SLC8A1: variants seen among roughly 807,000 people sequenced by gnomAD.
The protein encoded by SLC8A1 is sodium/calcium exchanger 1.
Under a neutral mutation model 68.3 loss-of-function variants are expected in SLC8A1, and 18 were observed. The observed-to-expected ratio is 0.26, with a 90% CI of 0.18 to 0.39. The LOEUF is 0.39. SLC8A1 is among the 10% of genes least tolerant of loss of function. The probability of loss-of-function intolerance (pLI) is 1.00; values close to 1 mark genes in which losing one functional copy is unlikely to be tolerated. For missense variants in SLC8A1, 985 were observed against 1,156.7 expected, an observed-to-expected ratio of 0.85 and a Z score of 2.15; for synonymous variants, 475 against 415.5, an observed-to-expected ratio of 1.14 and a Z score of -1.74.
intron 7 of SLC8A1, among the ~76,000 whole-genome samples, chr2:40,133,934 G>T (rs1220006908): frequency 2.6e-5 from 4 of 152,076 alleles, no homozygotes; most frequent in Non-Finnish European, 5.9e-5. Flanking sequence ...TCCAAAAAAA[G>T]GCTGGGCTCC....
chr2:40,221,330 AC>A (rs2058303899), intron 2 of SLC8A1, among the ~76,000 whole-genome samples: 1 of 152,102 alleles, frequency 6.6e-6, no homozygotes, highest in Non-Finnish European at 1.5e-5. Context: ...AAAATTCAAC[AC>A]CCCTTCATGC....
intron 2 of SLC8A1, among the ~76,000 whole-genome samples, chr2:40,382,663 T>TAAACTA (rs1553553551): frequency 1.7e-5 from 1 of 58,680 alleles, no homozygotes; most frequent in Non-Finnish European, 3.0e-5. Context: ...TGCAACCATC[T>TAAACTA]AAACTGAAAA....
intron 6 of SLC8A1, among the ~76,000 whole-genome samples, chr2:40,152,023 A>T (rs1176104836): frequency 6.6e-6 from 1 of 152,244 alleles, no homozygotes; most frequent in Non-Finnish European, 1.5e-5. Flanking sequence ...TGTGACCATT[A>T]AACAGTGTAT....
chr2:40,414,426 G>T (rs894126529), intron 2 of SLC8A1, among the ~76,000 whole-genome samples: 2 of 152,168 alleles, frequency 1.3e-5, no homozygotes, highest in African/African-American at 4.8e-5. Context: ...AGTGTTATTT[G>T]TACATCTGCT....
At chr2:40,231,171 T>A (rs954598123) in intron 2 of SLC8A1, among the ~76,000 whole-genome samples, 2 of 152,036 alleles carry the variant, frequency 1.3e-5, no homozygotes, top group African/African-American at 4.8e-5. Context: ...ACAAGAGAGG[T>A]GCTGGTTCTT....
intron 2 of SLC8A1, among the ~76,000 whole-genome samples, chr2:40,282,698 G>C (rs935550243): frequency 2.0e-5 from 3 of 152,222 alleles, no homozygotes. Flanking sequence ...ATTCTTGCAG[G>C]AAATAATTGC....
At chr2:40,246,098 C>CT (rs538732662) in intron 2 of SLC8A1, among the ~76,000 whole-genome samples, 9 of 152,082 alleles carry the variant, frequency 5.9e-5, no homozygotes, top group African/African-American at 1.2e-4. Context: ...GTTTTAATTC[C>CT]TTTTTTTTCT....
chr2:40,308,593 C>A (rs184817524), intron 2 of SLC8A1, among the ~76,000 whole-genome samples: 37 of 152,034 alleles, frequency 2.4e-4, no homozygotes, highest in Admixed American at 2.4e-3. Context: ...GAATCACCAC[C>A]AATATCATAG....
intron 2 of SLC8A1, among the ~76,000 whole-genome samples, chr2:40,423,716 G>A (rs1696121978): frequency 6.6e-6 from 1 of 151,950 alleles, no homozygotes; most frequent in Non-Finnish European, 1.5e-5. Flanking sequence ...CAATCTGGTT[G>A]ACACCATAAA....
chr2:40,216,168 C>T (rs1008516947), intron 2 of SLC8A1, among the ~76,000 whole-genome samples: 6 of 152,062 alleles, frequency 3.9e-5, no homozygotes, highest in Admixed American at 2.6e-4. Flanking sequence ...ACCCACCCAC[C>T]GACAGGCCCT....
intron 6 of SLC8A1, among the ~76,000 whole-genome samples, chr2:40,154,164 T>A (rs2043969611): frequency 6.6e-6 from 1 of 152,102 alleles, no homozygotes; most frequent in South Asian, 2.1e-4. Context: ...TTGTTAACTT[T>A]GGGAAAAATG....
intron 6 of SLC8A1, among the ~76,000 whole-genome samples, chr2:40,159,022 G>A (rs1041627530): frequency 3.3e-5 from 5 of 152,032 alleles, no homozygotes; most frequent in African/African-American, 1.2e-4. Context: ...ATGTTTCCTT[G>A]TTCTTGAGAG....
At chr2:40,303,876 A>G (rs890050540) in intron 2 of SLC8A1, among the ~76,000 whole-genome samples, 5 of 152,156 alleles carry the variant, frequency 3.3e-5, no homozygotes, top group Non-Finnish European at 7.4e-5. Context: ...TGCTCTATTA[A>G]AGGAGCTTGT....
intron 1 of SLC8A1, among the ~76,000 whole-genome samples, chr2:40,498,397 T>C (rs1705846322): frequency 6.6e-6 from 1 of 152,040 alleles, no homozygotes; most frequent in African/African-American, 2.4e-5. Context: ...CAATCAGTAG[T>C]CTTTAAGGGA....
chr2:40,186,170 T>C (rs1056580699), intron 2 of SLC8A1, among the ~76,000 whole-genome samples: 1 of 152,234 alleles, frequency 6.6e-6, no homozygotes, highest in Non-Finnish European at 1.5e-5. Context: ...GTGTTTACTA[T>C]AAAAGCAAAG....
intron 1 of SLC8A1, among the ~76,000 whole-genome samples, chr2:40,439,797 G>C (rs914492762): frequency 6.6e-6 from 1 of 152,098 alleles, no homozygotes; most frequent in African/African-American, 2.4e-5. Flanking sequence ...TTCTTGAAAA[G>C]AGTGGAAGTA....
intron 1 of SLC8A1, among the ~76,000 whole-genome samples, chr2:40,445,099 CTAATAT>C (rs1701201586): frequency 6.6e-6 from 1 of 152,152 alleles, no homozygotes; most frequent in Non-Finnish European, 1.5e-5. Flanking sequence ...AAATATTTTA[CTAATAT>C]TAATTTATTA....
intron 2 of SLC8A1, among the ~76,000 whole-genome samples, chr2:40,242,173 A>AGAATAT (rs966561570): frequency 1.3e-4 from 20 of 152,168 alleles, no homozygotes; most frequent in Admixed American, 1.2e-3. Context: ...AGAGAGACAG[A>AGAATAT]GAATATGAAT....
At chr2:40,168,507 C>G (rs1025040242) in intron 4 of SLC8A1, among the ~76,000 whole-genome samples, 4 of 152,150 alleles carry the variant, frequency 2.6e-5, no homozygotes, top group Non-Finnish European at 5.9e-5. Context: ...TATTATTGCT[C>G]TACAGTTATA....
Sources: gnomAD v4.1 joint callset for allele counts (sites outside exome capture counted in the v4.1 genomes callset) on GRCh38, gnomAD v4.1.1 for gene constraint, MANE v1.5 for transcripts, NCBI Gene and HGNC (gene_info 2026-07-23, HGNC 2026-07-21) for gene names.